The following UGGT1 variants were observed in gnomAD, a reference collection of about 807,000 sequenced individuals.
UGGT1 encodes the protein UDP-glucose glycoprotein glucosyltransferase 1.
UGGT1 carries 107 observed loss-of-function variants against 203.9 expected under a neutral mutation model. That is an observed-to-expected ratio of 0.52 (90% CI 0.45 to 0.62). UGGT1 has a LOEUF of 0.62. Ranked by LOEUF, UGGT1 falls within the 20% of genes least tolerant of loss-of-function variation. UGGT1 has a pLI of 0.00. For synonymous variants in UGGT1, 628 were observed against 653.5 expected, an observed-to-expected ratio of 0.96 and a Z score of 0.59; for missense variants, 1,673 against 1,867.2, an observed-to-expected ratio of 0.90 and a Z score of 1.92.
chr2:128,157,464 G>A (rs2104729704), intron 22 of UGGT1, 118 bp downstream of exon 22: 4 of 696,798 alleles, frequency 5.7e-6, no homozygotes, highest in South Asian at 1.9e-5. Context: ...CTTAATGCTC[G>A]AGGGAACGGA....
chr2:128,181,129 T>C (rs1691670647), intron 36 of UGGT1, 57 bp downstream of exon 36: 6 of 1,500,602 alleles, frequency 4.0e-6, no homozygotes, highest in Non-Finnish European at 4.5e-6. Flanking sequence ...AAATTGCTTC[T>C]TTTTAAATGC....
chr2:128,130,733 G>C (rs563167776), intron 13 of UGGT1, among the ~76,000 whole-genome samples: 1 of 152,140 alleles, frequency 6.6e-6, no homozygotes, highest in African/African-American at 2.4e-5. Context: ...TCTCAAGTTG[G>C]TGTGCATTCC....
chr2:128,098,243 G>A (rs1014219839), intron 2 of UGGT1, among the ~76,000 whole-genome samples: 11 of 152,196 alleles, frequency 7.2e-5, no homozygotes, highest in African/African-American at 2.2e-4. Context: ...GCTTAGCAAC[G>A]TGGGGGAAAG....
At chr2:128,160,361 C>T (rs1346741592) in intron 23 of UGGT1, 99 bp from the exon 24 acceptor site, 3 of 1,305,458 alleles carry the variant, frequency 2.3e-6, no homozygotes, top group Non-Finnish European at 3.1e-6. Context: ...TTATTACTTT[C>T]CAGGGAAAGA....
At chr2:128,182,909 CTT>C (rs372722115) in intron 37 of UGGT1, among the ~76,000 whole-genome samples, 6 of 114,212 alleles carry the variant, frequency 5.3e-5, no homozygotes, top group South Asian at 2.8e-4. Flanking sequence ...TGTAACTTGG[CTT>C]TTTTTTTTTT....
At chr2:128,162,216 G>A (rs1456683170) in intron 25 of UGGT1, among the ~76,000 whole-genome samples, 8 of 138,956 alleles carry the variant, frequency 5.8e-5, no homozygotes, top group Non-Finnish European at 1.3e-4. Context: ...TTTTAATTGC[G>A]TTTTTTTTTT....
intron 15 of UGGT1, among the ~76,000 whole-genome samples, chr2:128,135,727 T>C (rs1376470351): frequency 6.6e-6 from 1 of 152,224 alleles, no homozygotes; most frequent in Non-Finnish European, 1.5e-5. Context: ...TATGTCCTAC[T>C]GGTTAGTTAT....
At chr2:128,145,535 C>T in intron 17 of UGGT1, 1 of 329,450 alleles carries the variant, frequency 3.0e-6, no homozygotes, top group Non-Finnish European at 5.6e-6. Flanking sequence ...TACACAAACA[C>T]ACGTACACAC....
chr2:128,181,689 G>A (rs947254907), intron 36 of UGGT1, among the ~76,000 whole-genome samples: 4 of 152,180 alleles, frequency 2.6e-5, no homozygotes, highest in African/African-American at 9.7e-5. Flanking sequence ...CTCTTCCACT[G>A]GCTTAGCCTG....
At chr2:128,103,233 C>A in intron 2 of UGGT1, 1 of 365,794 alleles carries the variant, frequency 2.7e-6, no homozygotes, top group South Asian at 2.2e-5. Flanking sequence ...AGAAGATAAG[C>A]AATTGACATG....
chr2:128,166,493 T>C (rs1295416001), intron 26 of UGGT1, among the ~76,000 whole-genome samples: 1 of 152,198 alleles, frequency 6.6e-6, no homozygotes, highest in Non-Finnish European at 1.5e-5. Context: ...TTCACATGAC[T>C]CCAGTATCTT....
At chr2:128,142,737 C>T (rs191582754) in intron 16 of UGGT1, among the ~76,000 whole-genome samples, 1 of 152,126 alleles carries the variant, frequency 6.6e-6, no homozygotes, top group East Asian at 1.9e-4. Flanking sequence ...AATCCCAGCA[C>T]TTTGGGAGAC....
rs879118330 is a variant in UGGT1, at chr2:128,183,943, A to T, written c.4359+154A>T. On this transcript the variant is annotated intron_variant, in intron 38 of 40. Transcript: ENST00000259253. ...GTGTGTGTGTGTGTGTGTGTGAGAG[A>T]GAGAGAGAGAGAGAGAGATTTTTAT... is the stretch of plus-strand genomic sequence containing the variant. 4.8e-3 allele frequency among the ~76,000 whole-genome samples: 601 copies of T among 125,488 alleles called. 5 individuals are homozygous for T. Among genetic ancestry groups the T allele is most frequent in the African/African-American group, 0.014 (524 of 37,682 alleles). 82.3% of individuals were successfully genotyped at this position (125,488 alleles called of 152,430 possible). A position where few individuals can be genotyped will look rare whatever the true frequency, so the allele number is the denominator to read the frequency against.
At chr2:128,174,749 A>G in intron 30 of UGGT1, 24 bp from the exon 31 acceptor site, 1 of 1,593,236 alleles carries the variant, frequency 6.3e-7, no homozygotes, top group Non-Finnish European at 8.6e-7. Context: ...AAGAGAGCTA[A>G]CTGGACTTTT....
At position 128,120,581 on chromosome 2, in the gene UGGT1, TAA is replaced by T. The variant is rs1165663391; in HGVS notation, c.973+126_973+127del. The T allele has an allele frequency of 3.5e-5, 25 of 722,476 alleles. No individual in the cohort carries two copies. In the Middle Eastern group the frequency reaches 7.5e-4, roughly 22 times the overall value. 44.8% of individuals were successfully genotyped at this position (722,476 alleles called of 1,614,324 possible). A position where few individuals can be genotyped will look rare whatever the true frequency, so the allele number is the denominator to read the frequency against. On this transcript the variant is annotated intron_variant, in intron 9 of 40. Transcript: ENST00000259253. ...CTGAAGGTGCCTCAGATTTTAAAGA[TAA>T]GAGTGATTAATTACGATTAATCAGG...
rs569443565 is a variant in UGGT1, at chr2:128,096,856, A to G, written c.59-573A>G. ...CACCAACTGATTTTTATACCCCTGT[A>G]TGGTGTAGATTGCTTGGGAAATGAA... On this transcript the variant is annotated intron_variant, in intron 1 of 40. Transcript: ENST00000259253. Among the ~76,000 whole-genome samples the G allele has an allele frequency of 7.9e-5, 12 of 152,234 alleles. No homozygotes were observed. In the East Asian group the frequency reaches 1.2e-3, roughly 15 times the overall value.
chr2:128,094,381 A>G (rs1331075420), intron 1 of UGGT1, among the ~76,000 whole-genome samples: 2 of 152,218 alleles, frequency 1.3e-5, no homozygotes, highest in Non-Finnish European at 2.9e-5. Flanking sequence ...AATTTAGAAG[A>G]TAGTTTTTTC....
chr2:128,094,736 CTTTTTTTTTTTTTTTT>C (rs70988604), intron 1 of UGGT1, among the ~76,000 whole-genome samples: 20 of 84,630 alleles, frequency 2.4e-4, no homozygotes, highest in African/African-American at 8.5e-4. Flanking sequence ...TAAGAGAATG[CTTTTTTTTTTTTTTTT>C]TTTTTTTTTT....
At chr2:128,173,736 A>G (rs774019580) in intron 29 of UGGT1, 45 bp from the exon 30 acceptor site, 2 of 1,597,562 alleles carry the variant, frequency 1.3e-6, no homozygotes, top group Non-Finnish European at 1.7e-6. Flanking sequence ...AGATTTATTC[A>G]TGTTGTCTCT....
Sources: gnomAD v4.1 joint callset for allele counts (sites outside exome capture counted in the v4.1 genomes callset) on GRCh38, gnomAD v4.1.1 for gene constraint, MANE v1.5 for transcripts, NCBI Gene and HGNC (gene_info 2026-07-23, HGNC 2026-07-21) for gene names.